The following ARHGAP28 variants were observed in gnomAD, a reference collection of about 807,000 sequenced individuals.
The protein encoded by ARHGAP28 is Rho GTPase activating protein 28.
In ARHGAP28, 56 loss-of-function variants were observed where a neutral mutation model predicts 90.7. That is an observed-to-expected ratio of 0.62 (90% confidence interval 0.50 to 0.77). The LOEUF (loss-of-function observed/expected upper bound fraction) is 0.77. Ranked by LOEUF, ARHGAP28 falls within the 30% of genes least tolerant of loss-of-function variation. The pLI is 0.00. For missense variants in ARHGAP28, 869 were observed against 900.9 expected (o/e 0.96, Z 0.45); for synonymous variants, 308 against 323.3 (o/e 0.95, Z 0.51).
At chr18:6,738,501 A>G (rs2055947371) in intron 1 of ARHGAP28, among the ~76,000 whole-genome samples, 1 of 152,172 alleles carries the variant, frequency 6.6e-6, no homozygotes, top group Non-Finnish European at 1.5e-5. Flanking sequence ...TTAAAAAGAA[A>G]CCACTTATTA....
intron 1 of ARHGAP28, among the ~76,000 whole-genome samples, chr18:6,740,850 C>T (rs2055970334): frequency 6.6e-6 from 1 of 152,164 alleles, no homozygotes; most frequent in Non-Finnish European, 1.5e-5. Flanking sequence ...TTGCCTAGAG[C>T]CTTACAGGGA....
chr18:6,735,593 C>A (rs1207735159), intron 1 of ARHGAP28, among the ~76,000 whole-genome samples: 1 of 147,428 alleles, frequency 6.8e-6, no homozygotes, highest in African/African-American at 2.5e-5. Context: ...CTTGCACTGT[C>A]ATCCAGGCTG....
intron 3 of ARHGAP28, among the ~76,000 whole-genome samples, chr18:6,849,743 G>T (rs187322896): frequency 6.6e-6 from 1 of 152,022 alleles, no homozygotes; most frequent in African/African-American, 2.4e-5. Context: ...TTTATATCCT[G>T]CTTTCATTTT....
chr18:6,786,974 T>G (rs1164865301), intron 1 of ARHGAP28, among the ~76,000 whole-genome samples: 1 of 151,924 alleles, frequency 6.6e-6, no homozygotes, highest in Admixed American at 6.6e-5. Context: ...ATCCCAGCAC[T>G]TTTGGGAGGC....
At chr18:6,796,155 G>A (rs535224278) in intron 1 of ARHGAP28, among the ~76,000 whole-genome samples, 4 of 152,306 alleles carry the variant, frequency 2.6e-5, no homozygotes, top group Admixed American at 2.6e-4. Flanking sequence ...CTTAGCGGTA[G>A]ACAACCAGCC....
chr18:6,910,224 T>G (rs1270063751), intron 17 of ARHGAP28, among the ~76,000 whole-genome samples: 1 of 152,230 alleles, frequency 6.6e-6, no homozygotes, highest in Non-Finnish European at 1.5e-5. Flanking sequence ...CCTAAGCTTC[T>G]GACTGTCTTC....
At chr18:6,748,138 G>A (rs2056039821) in intron 1 of ARHGAP28, among the ~76,000 whole-genome samples, 1 of 152,184 alleles carries the variant, frequency 6.6e-6, no homozygotes, top group Admixed American at 6.5e-5. Context: ...TCCAGTTAGA[G>A]ATTTTCTGCC....
chr18:6,820,713 A>C (rs1209779890), intron 1 of ARHGAP28, among the ~76,000 whole-genome samples: 2 of 152,368 alleles, frequency 1.3e-5, no homozygotes, highest in Non-Finnish European at 2.9e-5. Context: ...AATAGACTCA[A>C]CAAGACAATG....
chr18:6,732,068 A>AC, intron 1 of ARHGAP28, among the ~76,000 whole-genome samples: 1 of 143,564 alleles, frequency 7.0e-6, no homozygotes, highest in South Asian at 2.3e-4. Context: ...TATTTTCCAG[A>AC]CCCCCACTAC....
intron 1 of ARHGAP28, among the ~76,000 whole-genome samples, chr18:6,812,350 A>G (rs907994182): frequency 4.6e-5 from 7 of 152,220 alleles, no homozygotes; most frequent in Admixed American, 4.6e-4. Context: ...AATAAGTGAA[A>G]TGCAAGATCT....
intron 6 of ARHGAP28, among the ~76,000 whole-genome samples, chr18:6,868,518 A>C (rs1393813644): frequency 6.6e-6 from 1 of 152,140 alleles, no homozygotes; most frequent in Non-Finnish European, 1.5e-5. Context: ...TTTGCTTTAA[A>C]GGCTGTTTCC....
chr18:6,852,897 G>A (rs1248335656), intron 4 of ARHGAP28, among the ~76,000 whole-genome samples: 1 of 152,190 alleles, frequency 6.6e-6, no homozygotes, highest in Non-Finnish European at 1.5e-5. Flanking sequence ...GCTGGGGCTT[G>A]GAGCAAGTTT....
intron 1 of ARHGAP28, among the ~76,000 whole-genome samples, chr18:6,778,128 G>A (rs745822049): frequency 2.6e-5 from 4 of 152,164 alleles, no homozygotes; most frequent in Non-Finnish European, 5.9e-5. Flanking sequence ...CTAAGGATTG[G>A]TGTAGTCTGG....
At chr18:6,783,926 C>T (rs1376962949) in intron 1 of ARHGAP28, among the ~76,000 whole-genome samples, 4 of 152,188 alleles carry the variant, frequency 2.6e-5, no homozygotes, top group Non-Finnish European at 5.9e-5. Flanking sequence ...GGTAACCACT[C>T]CCTCCCTTTG....
At chr18:6,865,388 T>A (rs7227706) in intron 5 of ARHGAP28, among the ~76,000 whole-genome samples, 9 of 152,196 alleles carry the variant, frequency 5.9e-5, no homozygotes, top group African/African-American at 2.2e-4. Flanking sequence ...TATTTGTCAG[T>A]GAATGTGGCT....
chr18:6,792,547 CTAG>C (rs1185735655), intron 1 of ARHGAP28, among the ~76,000 whole-genome samples: 1 of 152,184 alleles, frequency 6.6e-6, no homozygotes, highest in Non-Finnish European at 1.5e-5. Flanking sequence ...CAATTAAATG[CTAG>C]TCCTTGCAAC....
intron 1 of ARHGAP28, among the ~76,000 whole-genome samples, chr18:6,773,693 A>C (rs1600170669): frequency 6.6e-6 from 1 of 152,156 alleles, no homozygotes; most frequent in East Asian, 1.9e-4. Context: ...TCCTTTCTAC[A>C]TTTCAGGTTA....
chr18:6,776,780 A>G (rs1032558705), intron 1 of ARHGAP28, among the ~76,000 whole-genome samples: 32 of 152,132 alleles, frequency 2.1e-4, no homozygotes, highest in Non-Finnish European at 4.6e-4. Flanking sequence ...CGGAGATTCA[A>G]TCCACACTGG....
intron 16 of ARHGAP28, among the ~76,000 whole-genome samples, chr18:6,906,819 T>C (rs1378522604): frequency 2.0e-5 from 3 of 152,076 alleles, no homozygotes; most frequent in Non-Finnish European, 4.4e-5. Flanking sequence ...TAAAAGACCA[T>C]GTGAATAGGA....
Sources: gnomAD v4.1 joint callset for allele counts (sites outside exome capture counted in the v4.1 genomes callset) on GRCh38, gnomAD v4.1.1 for gene constraint, MANE v1.5 for transcripts, NCBI Gene and HGNC (gene_info 2026-07-23, HGNC 2026-07-21) for gene names.